Variants in RGL1 observed in about 807,000 individuals in gnomAD.
RGL1 encodes ral guanine nucleotide dissociation stimulator like 1, also known as ral guanine nucleotide dissociation stimulator-like 1.
RGL1 carries 24 observed loss-of-function variants against 95.2 expected under a neutral mutation model. That is an observed-to-expected ratio of 0.25 (90% CI 0.18 to 0.35). RGL1 has a LOEUF of 0.35. RGL1 is among the 10% of genes least tolerant of loss of function. The pLI is 1.00. For missense variants in RGL1, 715 were observed against 936.3 expected (o/e 0.76, Z 3.08); for synonymous variants, 329 against 344.9 (o/e 0.95, Z 0.51).
chr1:183,699,748 T>C (rs1654471821), intron 1 of RGL1, among the ~76,000 whole-genome samples: 1 of 152,186 alleles, frequency 6.6e-6, no homozygotes, highest in African/African-American at 2.4e-5. Context: ...ACTCTGTCCC[T>C]TGTACTCTCT....
At chr1:183,834,439 C>G (rs1663491199) in intron 2 of RGL1, among the ~76,000 whole-genome samples, 1 of 152,122 alleles carries the variant, frequency 6.6e-6, no homozygotes, top group Non-Finnish European at 1.5e-5. Flanking sequence ...TTGCGAGAGG[C>G]CTTACCCCAT....
At chr1:183,831,021 A>G (rs1047932885) in intron 2 of RGL1, among the ~76,000 whole-genome samples, 1 of 152,220 alleles carries the variant, frequency 6.6e-6, no homozygotes, top group African/African-American at 2.4e-5. Flanking sequence ...TTTATGCACC[A>G]GAGACACAGT....
rs576768894 is a variant in RGL1 at position 183,776,369 on chromosome 1, C to T, written c.133-30006C>T. Among the ~76,000 whole-genome samples, 1,279 of 151,684 alleles carry T rather than the reference C, an allele frequency of 8.4e-3. 21 individuals carry two copies. Among genetic ancestry groups the T allele is most frequent in the African/African-American group, 0.029 (1,185 of 41,364 alleles). On this transcript the variant is annotated intron_variant, in intron 2 of 18. Transcript: ENST00000304685. ...TTCACCGTGTTAGCCAGGATGGTCT[C>T]GATCTCCTGACCTCGTGATCCGCCC...
At chr1:183,713,700 A>G (rs1056786328) in intron 1 of RGL1, among the ~76,000 whole-genome samples, 40 of 152,214 alleles carry the variant, frequency 2.6e-4, no homozygotes, top group African/African-American at 9.4e-4. Context: ...CTAGACACCA[A>G]ATCTACCAGA....
chr1:183,846,323 C>T (rs1664426116), intron 2 of RGL1, among the ~76,000 whole-genome samples: 1 of 151,274 alleles, frequency 6.6e-6, no homozygotes, highest in Admixed American at 6.6e-5. Context: ...TGTTCTCACT[C>T]ATAAGTGGGA....
chr1:183,857,177 A>T (rs1280633672), intron 3 of RGL1, among the ~76,000 whole-genome samples: 1 of 152,176 alleles, frequency 6.6e-6, no homozygotes, highest in African/African-American at 2.4e-5. Context: ...AAGGATGGAA[A>T]TGGGATCAGA....
At chr1:183,817,146 T>C (rs1182768421) in intron 2 of RGL1, among the ~76,000 whole-genome samples, 1 of 152,218 alleles carries the variant, frequency 6.6e-6, no homozygotes, top group Non-Finnish European at 1.5e-5. Context: ...AAGTTAACTT[T>C]TGGTCTGAAG....
intron 14 of RGL1, among the ~76,000 whole-genome samples, chr1:183,908,636 C>T (rs751618526): frequency 6.6e-6 from 1 of 152,148 alleles, no homozygotes; most frequent in Non-Finnish European, 1.5e-5. Context: ...CAAGCCTTGT[C>T]AGCTGGTAAG....
At chr1:183,742,355 C>T in intron 2 of RGL1, 1 of 1,585,136 alleles carries the variant, frequency 6.3e-7, no homozygotes, top group Non-Finnish European at 8.6e-7. Flanking sequence ...GACCATAATT[C>T]TTCGTGTAGC....
At chr1:183,710,963 T>C (rs1558166306) in intron 1 of RGL1, among the ~76,000 whole-genome samples, 2 of 152,220 alleles carry the variant, frequency 1.3e-5, no homozygotes, top group African/African-American at 2.4e-5. Context: ...TGTGACATGC[T>C]TACATATGTC....
intron 15 of RGL1, among the ~76,000 whole-genome samples, chr1:183,913,775 TG>T (rs976690442): frequency 6.6e-6 from 1 of 152,230 alleles, no homozygotes; most frequent in Non-Finnish European, 1.5e-5. Flanking sequence ...AACCCTCAAG[TG>T]ACTTTGTCAT....
chr1:183,866,594 G>A (rs766704411), intron 4 of RGL1, among the ~76,000 whole-genome samples: 2 of 152,170 alleles, frequency 1.3e-5, no homozygotes, highest in South Asian at 4.1e-4. Flanking sequence ...GCATGTGGCC[G>A]GAGCGCGTGC....
At chr1:183,758,486 C>T (rs368370676) in intron 2 of RGL1, among the ~76,000 whole-genome samples, 22 of 152,258 alleles carry the variant, frequency 1.4e-4, no homozygotes, top group African/African-American at 5.1e-4. Flanking sequence ...CATGAGCCAC[C>T]GTGCCCAGCC....
chr1:183,834,555 G>A (rs1417536301), intron 2 of RGL1, among the ~76,000 whole-genome samples: 1 of 131,230 alleles, frequency 7.6e-6, no homozygotes, highest in Non-Finnish European at 1.6e-5. Context: ...TTCTTTACAC[G>A]TCATTAAATG....
At chr1:183,733,029 T>G (rs1473873180) in intron 1 of RGL1, among the ~76,000 whole-genome samples, 2 of 152,136 alleles carry the variant, frequency 1.3e-5, no homozygotes, top group African/African-American at 4.8e-5. Flanking sequence ...AACAGCTGCT[T>G]CTCCTCTGAT....
intron 2 of RGL1, among the ~76,000 whole-genome samples, chr1:183,751,544 T>A (rs924763100): frequency 6.6e-6 from 1 of 152,020 alleles, no homozygotes; most frequent in African/African-American, 2.4e-5. Flanking sequence ...CAGCTTGCTT[T>A]AAAGGGGAGT....
chr1:183,863,237 C>T (rs1213693862), intron 3 of RGL1, among the ~76,000 whole-genome samples: 3 of 152,198 alleles, frequency 2.0e-5, no homozygotes, highest in Admixed American at 6.5e-5. Context: ...TTGTGAGACA[C>T]GTAAGACTTT....
intron 1 of RGL1, among the ~76,000 whole-genome samples, chr1:183,720,684 G>A (rs948995702): frequency 2.0e-5 from 3 of 152,182 alleles, no homozygotes; most frequent in Non-Finnish European, 2.9e-5. Context: ...AGTAGTCCTG[G>A]AACCTAATGT....
At chr1:183,905,911 T>C (rs1192438871) in intron 13 of RGL1, among the ~76,000 whole-genome samples, 1 of 152,204 alleles carries the variant, frequency 6.6e-6, no homozygotes, top group East Asian at 1.9e-4. Flanking sequence ...CACAGCCCGT[T>C]CATTTACATC....
Sources: gnomAD v4.1 joint callset for allele counts (sites outside exome capture counted in the v4.1 genomes callset) on GRCh38, gnomAD v4.1.1 for gene constraint, MANE v1.5 for transcripts, NCBI Gene and HGNC (gene_info 2026-07-23, HGNC 2026-07-21) for gene names.